CAMK2D: variants seen among roughly 807,000 people sequenced by gnomAD.
CAMK2D encodes calcium/calmodulin-dependent protein kinase type II subunit delta.
CAMK2D carries 37 observed loss-of-function variants against 84.0 expected under a neutral mutation model. That is an observed-to-expected ratio of 0.44 (90% CI 0.34 to 0.58). The LOEUF (loss-of-function observed/expected upper bound fraction) is 0.58, where lower values mean the gene tolerates loss of function less well. Ranked by LOEUF, CAMK2D falls within the 20% of genes least tolerant of loss-of-function variation. CAMK2D has a pLI of 0.02. For missense variants in CAMK2D, 448 were observed against 652.5 expected, an observed-to-expected ratio of 0.69 and a Z score of 3.41; for synonymous variants, 202 against 212.5, an observed-to-expected ratio of 0.95 and a Z score of 0.43.
At chr4:113,716,412 G>A (rs1227510838) in intron 2 of CAMK2D, among the ~76,000 whole-genome samples, 1 of 152,088 alleles carries the variant, frequency 6.6e-6, no homozygotes, top group African/African-American at 2.4e-5. Flanking sequence ...CACTTTGGGA[G>A]GCCAAGGCGA....
chr4:113,557,148 TCTG>T (rs1266950708), intron 4 of CAMK2D, among the ~76,000 whole-genome samples: 1 of 152,172 alleles, frequency 6.6e-6, no homozygotes, highest in Non-Finnish European at 1.5e-5. Flanking sequence ...AGCCTAAGTC[TCTG>T]CTATCTCTCA....
intron 12 of CAMK2D, among the ~76,000 whole-genome samples, chr4:113,511,738 G>A (rs893056485): frequency 6.6e-6 from 1 of 152,132 alleles, no homozygotes; most frequent in East Asian, 1.9e-4. Context: ...CAGCAACAAG[G>A]TATTATTACA....
Position 113,455,817 on chromosome 4 carries a change from G to A in CAMK2D, c.1540C>T (p.Pro514Ser). The A allele has an allele frequency of 1.2e-6, 2 of 1,606,218 alleles. No homozygotes were observed. Among genetic ancestry groups the A allele is most frequent in the Middle Eastern group, 1.7e-4 (1 of 6,036 alleles). The change falls in exon 20 of 21, where the codon CCC (proline) becomes TCC (serine). Residue 514 changes from proline to serine, a missense_variant. By Grantham distance (74) the Pro-to-Ser change is moderately conservative. Transcript: ENST00000511664. ...TTTTCTTTCCCATTTGGAATACAGG[G>A]TGGCCTATTAAGAGAAGCCCCATTT... is the stretch of plus-strand genomic sequence containing the variant. ...SGSPTVPIKP[P>S]CIPNGKENFS...
At chr4:113,751,258 C>G (rs977053762) in intron 2 of CAMK2D, among the ~76,000 whole-genome samples, 4 of 152,106 alleles carry the variant, frequency 2.6e-5, no homozygotes, top group Admixed American at 2.6e-4. Flanking sequence ...TTCAAATTAT[C>G]CAGAACATTG....
At chr4:113,560,186 T>C (rs968681525) in intron 4 of CAMK2D, among the ~76,000 whole-genome samples, 2 of 151,816 alleles carry the variant, frequency 1.3e-5, no homozygotes, top group African/African-American at 4.8e-5. Context: ...TACCAGGACA[T>C]CCCCTACCAA....
At chr4:113,575,104 A>C (rs2098774211) in intron 4 of CAMK2D, among the ~76,000 whole-genome samples, 1 of 152,192 alleles carries the variant, frequency 6.6e-6, no homozygotes, top group Admixed American at 6.5e-5. Context: ...TCCCCTCTGG[A>C]GAATGTAGGC....
chr4:113,755,406 CA>C (rs1337795018), intron 2 of CAMK2D, among the ~76,000 whole-genome samples: 1 of 151,788 alleles, frequency 6.6e-6, no homozygotes, highest in Non-Finnish European at 1.5e-5. Context: ...TTAACTTTAG[CA>C]ATGGAGTAGA....
chr4:113,761,417 G>T lies in CAMK2D; in HGVS notation c.-349C>A. On this transcript the variant is annotated 5_prime_UTR_variant, in exon 1 of 21. The change creates a new upstream start codon in the 5' untranslated region. Transcript: ENST00000511664. ...GAGGGGGCCGGGAAATGGAAAAACA[G>T]CCAGGCACGGGACGAGTGGCAAGCA... 1 of 1,219,516 alleles carries T rather than the reference G, an allele frequency of 8.2e-7. No individual in the cohort carries two copies. The highest frequency in any genetic ancestry group is 4.8e-5 in the East Asian group (1 of 20,894). The allele number at this position is 1,219,516 out of a possible 1,614,324, so 75.5% of individuals were successfully genotyped here. A position where few individuals can be genotyped will look rare whatever the true frequency, so the allele number is the denominator to read the frequency against.
At chr4:113,588,659 A>G (rs1486383456) in intron 4 of CAMK2D, among the ~76,000 whole-genome samples, 3 of 152,014 alleles carry the variant, frequency 2.0e-5, no homozygotes, top group African/African-American at 7.2e-5. Flanking sequence ...TTCACTTACA[A>G]CTCTTTAAAC....
intron 4 of CAMK2D, among the ~76,000 whole-genome samples, chr4:113,605,396 G>T (rs1402698323): frequency 6.6e-6 from 1 of 152,138 alleles, no homozygotes; most frequent in Non-Finnish European, 1.5e-5. Flanking sequence ...CTTGTCTCTT[G>T]TTAATCTCTC....
intron 4 of CAMK2D, among the ~76,000 whole-genome samples, chr4:113,605,262 C>A (rs2098972188): frequency 6.6e-6 from 1 of 152,228 alleles, no homozygotes; most frequent in Non-Finnish European, 1.5e-5. Flanking sequence ...TAAGTCAATT[C>A]TCCATTATCT....
At chr4:113,491,874 G>T (rs1449648044) in intron 16 of CAMK2D, among the ~76,000 whole-genome samples, 4 of 151,928 alleles carry the variant, frequency 2.6e-5, no homozygotes, top group Admixed American at 6.6e-5. Context: ...TCTTGGGAGG[G>T]TGTATGTGTC....
chr4:113,482,766 A>G (rs892243069), intron 16 of CAMK2D, among the ~76,000 whole-genome samples: 4 of 152,276 alleles, frequency 2.6e-5, no homozygotes, highest in African/African-American at 9.6e-5. Context: ...GAAATCAAAC[A>G]TCCAAAGGTA....
rs568458847 is a variant in CAMK2D, at chr4:113,509,197, T to C, written c.984+441A>G. Among the ~76,000 whole-genome samples, 4 of 152,336 alleles carry C rather than the reference T, an allele frequency of 2.6e-5. 1 individual carries two copies. In the East Asian group the frequency reaches 7.7e-4, roughly 29 times the overall value. On this transcript the variant is annotated intron_variant, in intron 13 of 20. Coordinates refer to ENST00000511664, the MANE Select transcript of CAMK2D (RefSeq NM_001321571.2). ...TATAAAAACTGCCCAAGCAGATTAA[T>C]TTAGACATTTGACATTCTATTTTCC...
At chr4:113,672,788 C>T (rs1690145780) in intron 2 of CAMK2D, among the ~76,000 whole-genome samples, 1 of 151,696 alleles carries the variant, frequency 6.6e-6, no homozygotes, top group Admixed American at 6.6e-5. Flanking sequence ...CACAAACACA[C>T]ACATAAATGA....
intron 3 of CAMK2D, among the ~76,000 whole-genome samples, chr4:113,654,531 T>C (rs914001563): frequency 6.6e-6 from 1 of 152,010 alleles, no homozygotes; most frequent in African/African-American, 2.4e-5. Flanking sequence ...GAAAGTTTTT[T>C]AGTTAATGTT....
intron 14 of CAMK2D, among the ~76,000 whole-genome samples, chr4:113,504,067 TA>T (rs2098093813): frequency 6.6e-6 from 1 of 152,214 alleles, no homozygotes; most frequent in Non-Finnish European, 1.5e-5. Context: ...GTCCTCCTTT[TA>T]AATGTTTTTA....
At chr4:113,640,890 T>C (rs1412106034) in intron 3 of CAMK2D, among the ~76,000 whole-genome samples, 1 of 152,214 alleles carries the variant, frequency 6.6e-6, no homozygotes, top group African/African-American at 2.4e-5. Context: ...ATTTTAACTT[T>C]CATAATTTGG....
At chr4:113,485,860 T>G (rs951920901) in intron 16 of CAMK2D, among the ~76,000 whole-genome samples, 6 of 152,188 alleles carry the variant, frequency 3.9e-5, no homozygotes, top group Non-Finnish European at 8.8e-5. Context: ...AGTAATATCC[T>G]GACTGCCTGC....
Sources: allele counts gnomAD v4.1 joint callset (sites outside exome capture counted in the v4.1 genomes callset), GRCh38; gene constraint gnomAD v4.1.1; transcripts MANE v1.5; gene names NCBI Gene and HGNC (gene_info 2026-07-23, HGNC 2026-07-21).